ITPK1: variants seen among roughly 807,000 people sequenced by gnomAD.
The protein encoded by ITPK1 is inositol 1,3,4-trisphosphate 5/6-kinase.
Under a neutral mutation model 45.3 loss-of-function variants are expected in ITPK1, and 21 were observed. The observed-to-expected ratio is 0.46, with a 90% confidence interval of 0.33 to 0.67. The LOEUF is 0.67. Ranked by LOEUF, ITPK1 falls within the 30% of genes least tolerant of loss-of-function variation. The probability of loss-of-function intolerance (pLI) is 0.02; values close to 1 mark genes in which losing one functional copy is unlikely to be tolerated. For missense variants in ITPK1, 474 were observed against 573.5 expected (o/e 0.83, Z 1.77); for synonymous variants, 258 against 253.6 (o/e 1.02, Z -0.16).
chr14:92,951,303 TG>T (rs993229515), intron 9 of ITPK1, among the ~76,000 whole-genome samples: 3 of 152,344 alleles, frequency 2.0e-5, no homozygotes, highest in Admixed American at 1.3e-4. Flanking sequence ...CCTAAATTCC[TG>T]GAAGATCCAA....
chr14:92,958,434 T>A lies in ITPK1; in HGVS notation c.505-68A>T. ...CTTCTCAGCCTCCAACACACAGGTGTGTCACCTGTCCAGAGCACCTCCACC... is the reference window on the plus strand; with the variant it reads ...CTTCTCAGCCTCCAACACACAGGTGAGTCACCTGTCCAGAGCACCTCCACC... On this transcript the variant is annotated intron_variant, in intron 7 of 10. Coordinates refer to ENST00000267615, the MANE Select transcript of ITPK1 (RefSeq NM_014216.6). This position sits in a 1 kb window ranked among gnomAD's most constrained non-coding sequence, Gnocchi z 4.4. 8 of 1,481,926 alleles carry A rather than the reference T, an allele frequency of 5.4e-6. No individual in the cohort carries two copies. Among genetic ancestry groups the A allele is most frequent in the Non-Finnish European group, 7.5e-6 (8 of 1,068,336 alleles). The allele number at this position is 1,481,926 out of a possible 1,614,324, so 91.8% of individuals were successfully genotyped here.
chr14:92,941,386 TC>T lies in ITPK1; in HGVS notation c.*174del, dbSNP rs1194688681. ...AACGGTGGACCACCTGGTACTCTCTTCCATCCCCCACTACCCCTCATTTAGA... is the reference window on the plus strand; with the variant it reads ...AACGGTGGACCACCTGGTACTCTCTTCATCCCCCACTACCCCTCATTTAGA... On this transcript the variant is annotated 3_prime_UTR_variant, in exon 11 of 11. Transcript: ENST00000267615. 2.8e-6 allele frequency: 4 copies of T among 1,417,484 alleles called. No individual in the cohort carries two copies. The highest frequency in any genetic ancestry group is 3.7e-6 in the Non-Finnish European group (4 of 1,093,368). 87.8% of individuals were successfully genotyped at this position (1,417,484 alleles called of 1,614,324 possible).
chr14:92,968,814 C>G (rs921922977), intron 5 of ITPK1, among the ~76,000 whole-genome samples: 1 of 152,204 alleles, frequency 6.6e-6, no homozygotes, highest in Non-Finnish European at 1.5e-5. Context: ...CTGCCTGGAC[C>G]ACTCCTGCTC....
intron 4 of ITPK1, among the ~76,000 whole-genome samples, chr14:93,004,278 G>A (rs1887498076): frequency 6.6e-6 from 1 of 152,270 alleles, no homozygotes; most frequent in South Asian, 2.1e-4. Flanking sequence ...GTCCTCTGAG[G>A]CTGCGGTTCC....
intron 4 of ITPK1, among the ~76,000 whole-genome samples, chr14:93,013,055 G>A (rs1326735547): frequency 6.6e-6 from 1 of 152,180 alleles, no homozygotes; most frequent in African/African-American, 2.4e-5. Flanking sequence ...GAGGCCCCTA[G>A]TGTCCCCGAG....
intron 2 of ITPK1, among the ~76,000 whole-genome samples, chr14:93,092,546 T>C (rs576465489): frequency 6.6e-6 from 1 of 152,160 alleles, no homozygotes; most frequent in African/African-American, 2.4e-5. Flanking sequence ...CAGAAGGGAA[T>C]GATGAAGAAC....
chr14:93,086,164 G>C (rs1740692), intron 2 of ITPK1, among the ~76,000 whole-genome samples: 76,087 of 152,084 alleles, frequency 0.5, 20,194 homozygotes, highest in East Asian at 0.82. Context: ...TGGACTCACT[G>C]GGGGAGGGAG....
chr14:93,003,391 T>C (rs569153838), intron 4 of ITPK1, among the ~76,000 whole-genome samples: 88 of 152,262 alleles, frequency 5.8e-4, no homozygotes, highest in African/African-American at 1.9e-3. Flanking sequence ...CCAGAAGAAG[T>C]CTTCCTGGCA....
chr14:93,099,479 C>T (rs1206527425), intron 2 of ITPK1, among the ~76,000 whole-genome samples: 2 of 152,212 alleles, frequency 1.3e-5, no homozygotes, highest in Non-Finnish European at 2.9e-5. Flanking sequence ...TCATCCTTCT[C>T]CAGGAACTCA....
In ITPK1 at chr14:92,939,331, T is replaced by C. The variant is rs57481308; in HGVS notation, c.*2230A>G. ...ATGGACACTGTCCAGGGATCAAAGA[T>C]GGTCAGCGTGCACCCTTAGGGTACG... On this transcript the variant is annotated 3_prime_UTR_variant, in exon 11 of 11. Coordinates refer to ENST00000267615, the MANE Select transcript of ITPK1 (RefSeq NM_014216.6). 0.67 allele frequency: 101,211 copies of C among 152,116 alleles called. 34,086 individuals are homozygous for C. The highest frequency in any genetic ancestry group is 0.85 in the East Asian group (4,405 of 5,176). 9.4% of individuals were successfully genotyped at this position (152,116 alleles called of 1,614,324 possible). A position where few individuals can be genotyped will look rare whatever the true frequency, so the allele number is the denominator to read the frequency against.
chr14:93,104,669 C>T (rs909845531), intron 2 of ITPK1, among the ~76,000 whole-genome samples: 1 of 152,168 alleles, frequency 6.6e-6, no homozygotes, highest in Non-Finnish European at 1.5e-5. Context: ...ATGGAGACCC[C>T]TCAGCCATCC....
chr14:93,001,645 C>T (rs997161903), intron 4 of ITPK1, among the ~76,000 whole-genome samples: 1 of 152,224 alleles, frequency 6.6e-6, no homozygotes, highest in African/African-American at 2.4e-5. Context: ...AGTTAACACT[C>T]AGCTACCCCA....
intron 3 of ITPK1, among the ~76,000 whole-genome samples, chr14:93,025,908 G>A (rs937798252): frequency 5.9e-5 from 9 of 152,248 alleles, no homozygotes; most frequent in African/African-American, 1.4e-4. Context: ...CAGGTGGATC[G>A]CCTGAGTCCA....
intron 4 of ITPK1, among the ~76,000 whole-genome samples, chr14:93,000,211 G>A (rs558454265): frequency 1.2e-4 from 18 of 152,186 alleles, no homozygotes; most frequent in Non-Finnish European, 2.1e-4. Context: ...GTGAACATAC[G>A]TGTATAAATT....
intron 3 of ITPK1, among the ~76,000 whole-genome samples, chr14:93,052,200 A>G (rs10135073): frequency 0.018 from 2,667 of 152,312 alleles, 101 homozygotes; most frequent in African/African-American, 0.059. Flanking sequence ...TCCAAAAGGT[A>G]GGATAATTAA....
chr14:92,962,937 C>A, intron 5 of ITPK1, 88 bp from the exon 6 acceptor site: 1 of 792,744 alleles, frequency 1.3e-6, no homozygotes, highest in Non-Finnish European at 2.1e-6. Context: ...ACCCCAGGGG[C>A]CTTCAGTGCC....
At chr14:93,074,875 C>G (rs1391154148) in intron 3 of ITPK1, among the ~76,000 whole-genome samples, 1 of 152,146 alleles carries the variant, frequency 6.6e-6, no homozygotes, top group Non-Finnish European at 1.5e-5. Flanking sequence ...CTGGCAGGCA[C>G]TACAGATCAA....
At chr14:93,018,733 C>A (rs1385788018) in intron 3 of ITPK1, among the ~76,000 whole-genome samples, 1 of 152,136 alleles carries the variant, frequency 6.6e-6, no homozygotes, top group Non-Finnish European at 1.5e-5. Flanking sequence ...GACTTGGCGC[C>A]GGCTCATCCT....
At chr14:93,062,529 T>C (rs891266283) in intron 3 of ITPK1, among the ~76,000 whole-genome samples, 33 of 152,142 alleles carry the variant, frequency 2.2e-4, no homozygotes, top group Non-Finnish European at 2.9e-5. Flanking sequence ...TTTATTCACA[T>C]TTTAGTGTGC....
Sources: gnomAD v4.1 joint callset for allele counts (sites outside exome capture counted in the v4.1 genomes callset) on GRCh38, gnomAD v4.1.1 for gene constraint, Gnocchi (gnomAD v3.1) non-coding constraint, MANE v1.5 for transcripts, NCBI Gene and HGNC (gene_info 2026-07-23, HGNC 2026-07-21) for gene names.